The following ALOX12 variants were observed in gnomAD, a reference collection of about 807,000 sequenced individuals.
ALOX12 encodes the protein arachidonate 12-lipoxygenase, 12S type.
In ALOX12, 62 loss-of-function variants were observed where a neutral mutation model predicts 85.5. The observed-to-expected ratio is 0.73, with a 90% CI of 0.59 to 0.90. ALOX12 has a LOEUF of 0.90. Among genes scored for constraint, ALOX12 ranks in the 40% least tolerant of loss-of-function variants. ALOX12 has a pLI of 0.00. For missense variants in ALOX12, 751 were observed against 856.5 expected (o/e 0.88, Z 1.54); for synonymous variants, 299 against 332.7 (o/e 0.90, Z 1.10).
At chr17:7,006,993 C>T (rs1254922056) in intron 11 of ALOX12, among the ~76,000 whole-genome samples, 2 of 152,090 alleles carry the variant, frequency 1.3e-5, no homozygotes, top group African/African-American at 2.4e-5. Context: ...ATTTTCCCTC[C>T]GAAGCCCACA....
At position 7,006,693 on chromosome 17, in the gene ALOX12, CCA is replaced by C. The variant is rs1305370464; in HGVS notation, c.1540+87_1540+88del. ...GCCCTGCCCTTCTGGGGACAGGACC[CCA>C]GCCTCTCATCACGCCTCCCTTCCTC... On this transcript the variant is annotated intron_variant, in intron 11 of 13. Transcript: ENST00000251535. 21 of 1,487,392 alleles carry C rather than the reference CCA, an allele frequency of 1.4e-5. No homozygotes were observed. In the African/African-American group the frequency reaches 2.8e-4, roughly 20 times the overall value. 92.1% of individuals were successfully genotyped at this position (1,487,392 alleles called of 1,614,324 possible). A position where few individuals can be genotyped will look rare whatever the true frequency, so the allele number is the denominator to read the frequency against.
In ALOX12 at chr17:7,001,809, A is replaced by C; in HGVS notation, c.1159A>C (p.Lys387Gln). ...CCTCCCAGGACTGCACCCCATCTTC[A>C]AGGTACTTATTAATCTATTAAATCA... ...RCLPGLHPIF[K>Q]FLIPHIRYTM... Residue 387 changes from lysine to glutamine, a missense_variant and splice_region_variant, in exon 8 of 14, where the codon AAG becomes CAG. By Grantham distance (53) the Lys-to-Gln change is moderately conservative. Coordinates refer to ENST00000251535, the MANE Select transcript of ALOX12 (RefSeq NM_000697.3). 6.2e-7 allele frequency: 1 copy of C among 1,613,412 alleles called. No individual in the cohort carries two copies. Among genetic ancestry groups the C allele is most frequent in the Non-Finnish European group, 8.5e-7 (1 of 1,179,410 alleles).
At chr17:7,004,723 C>G (rs1265707451) in intron 8 of ALOX12, among the ~76,000 whole-genome samples, 1 of 151,958 alleles carries the variant, frequency 6.6e-6, no homozygotes, top group Admixed American at 6.6e-5. Flanking sequence ...AAAGAAACCC[C>G]CAACTGTGAA....
At chr17:7,002,538 A>T (rs919872974) in intron 8 of ALOX12, 4 of 468,772 alleles carry the variant, frequency 8.5e-6, no homozygotes, top group African/African-American at 6.0e-5. Context: ...CTGTAATCCC[A>T]GTGCTTTGGG....
chr17:7,006,258 T>C (rs979040861), intron 10 of ALOX12, among the ~76,000 whole-genome samples: 1 of 151,764 alleles, frequency 6.6e-6, no homozygotes, highest in Non-Finnish European at 1.5e-5. Flanking sequence ...GGGAGGTGTC[T>C]GGAAAAATCA....
At position 7,010,549 on chromosome 17, in the gene ALOX12, T is replaced by G; in HGVS notation, c.*126T>G. On this transcript the variant is annotated 3_prime_UTR_variant, in exon 14 of 14. Transcript: ENST00000251535. ...TATTTCCTCCCCCAGTTAAACCCCCTACATTAGTATCCCACTAGCCCAGGG... is the reference window on the plus strand; with the variant it reads ...TATTTCCTCCCCCAGTTAAACCCCCGACATTAGTATCCCACTAGCCCAGGG... 1.7e-6 allele frequency: 2 copies of G among 1,176,246 alleles called. No homozygotes were observed. The highest frequency in any genetic ancestry group is 2.6e-5 in the East Asian group (1 of 38,836). The allele number at this position is 1,176,246 out of a possible 1,614,324, so 72.9% of individuals were successfully genotyped here.
rs368850894 is a variant in ALOX12, at chr17:7,009,744, C to A, written c.1541-3C>A. The stretch of plus-strand genomic sequence containing the variant: ...TTCTAACTGCTATTCCTTTCCTGCC[C>A]AGGTTTCCCTGTCTCCTTCCAGTCC... On this transcript the variant is annotated splice_polypyrimidine_tract_variant and splice_region_variant and intron_variant, in intron 11 of 13. Coordinates refer to ENST00000251535, the MANE Select transcript of ALOX12 (RefSeq NM_000697.3). 6.2e-7 allele frequency: 1 copy of A among 1,613,460 alleles called. No individual in the cohort carries two copies. The highest frequency in any genetic ancestry group is 1.3e-5 in the African/African-American group (1 of 74,912).
intron 9 of ALOX12, among the ~76,000 whole-genome samples, chr17:7,005,635 C>T (rs886935442): frequency 2.0e-5 from 3 of 151,900 alleles, no homozygotes; most frequent in Non-Finnish European, 2.9e-5. Flanking sequence ...CGCCCGCCAC[C>T]ATGCCCAGCT....
chr17:6,998,347 A>G (rs909736930), intron 2 of ALOX12, among the ~76,000 whole-genome samples, 162 bp from the exon 3 acceptor site: 1 of 152,192 alleles, frequency 6.6e-6, no homozygotes, highest in African/African-American at 2.4e-5. Context: ...CAAAGATGGG[A>G]TAAACGTGTC....
chr17:7,008,906 T>C (rs1909231916), intron 11 of ALOX12, among the ~76,000 whole-genome samples: 4 of 152,226 alleles, frequency 2.6e-5, no homozygotes, highest in South Asian at 4.1e-4. Context: ...TGTCTGGGAA[T>C]AGGATTACGC....
In ALOX12 at chr17:6,999,319, G is replaced by A. The variant is rs893431768; in HGVS notation, c.660G>A (p.Gln220=). Residue 220 remains glutamine, a synonymous_variant, in exon 6 of 14, where the codon CAG becomes CAA. Coordinates refer to ENST00000251535, the MANE Select transcript of ALOX12 (RefSeq NM_000697.3). ...CGCCCACCAAAGAGAAGGTTCGCCA[G>A]TGCTGGCAGGATGATGAGTTGTTCA... ...QKSALAEKVR[Q]CWQDDELFSY... is the part of the protein sequence containing the mutation. 1.9e-6 allele frequency: 3 copies of A among 1,614,248 alleles called. No individual in the cohort carries two copies.
At position 7,001,654 on chromosome 17, in the gene ALOX12, A is replaced by ACC; in HGVS notation, c.1009_1010dup (p.Leu338HisfsTer26). 1 of 1,613,914 alleles carries ACC rather than the reference A, an allele frequency of 6.2e-7. No individual in the cohort carries two copies. The highest frequency in any genetic ancestry group is 8.5e-7 in the Non-Finnish European group (1 of 1,179,986). On this transcript the variant is annotated frameshift_variant, in exon 8 of 14. Coordinates refer to ENST00000251535, the MANE Select transcript of ALOX12 (RefSeq NM_000697.3). LOFTEE classifies it high-confidence loss of function. The stretch of plus-strand genomic sequence containing the variant: ...ACCCCAACACTGTTCCTGCCCTCAG[A>ACC]CCCCCCACTTGCCTGGCTCCTGGCA...
intron 8 of ALOX12, chr17:7,002,612 T>C (rs1908762319): frequency 4.8e-6 from 2 of 417,482 alleles, no homozygotes; most frequent in South Asian, 1.7e-5. Context: ...ACACAGCAAG[T>C]CCCGGTCTCT....
At chr17:7,006,718 C>T in intron 11 of ALOX12, 111 bp downstream of exon 11, 1 of 1,393,522 alleles carries the variant, frequency 7.2e-7, no homozygotes, top group South Asian at 1.4e-5. Flanking sequence ...GCCTCCCTTC[C>T]TCCCTCCACA....
chr17:7,005,978 G>A lies in ALOX12; in HGVS notation c.1369G>A (p.Gly457Ser). ...TGACCGGGGCCTGCTGGGACTCCCA[G>A]GTGCTCTCTATGCCCATGATGCTTT... Reference protein sequence around the residue: ...LADRGLLGLPGALYAHDALRL... With the variant: ...LADRGLLGLPSALYAHDALRL... The change falls in exon 10 of 14, where the codon GGT (glycine) becomes AGT (serine). Residue 457 changes from glycine (G) to serine (S), a missense_variant. Transcript: ENST00000251535. 1 of 1,608,196 alleles carries A rather than the reference G, an allele frequency of 6.2e-7. No individual in the cohort carries two copies. Among genetic ancestry groups the A allele is most frequent in the Non-Finnish European group, 8.5e-7 (1 of 1,178,092 alleles).
In ALOX12 at chr17:7,007,408, G is replaced by C. The variant is rs111396352; in HGVS notation, c.1540+801G>C. Reference sequence around the variant, plus strand: ...GCTGTGAATACCATCCTCTGCCTCTGTGAGACAACTACAGACATTTACTGG... The same window carrying C: ...GCTGTGAATACCATCCTCTGCCTCTCTGAGACAACTACAGACATTTACTGG... On this transcript the variant is annotated intron_variant, in intron 11 of 13. Transcript: ENST00000251535. Among the ~76,000 whole-genome samples the C allele has an allele frequency of 9.9e-4, 151 of 152,280 alleles. 1 individual carries two copies. Among genetic ancestry groups the C allele is most frequent in the African/African-American group, 3.5e-3 (144 of 41,560 alleles).
In ALOX12 at chr17:6,999,491, A is replaced by T. The variant is rs11571333; in HGVS notation, c.807+25A>T. 0.056 allele frequency: 90,933 copies of T among 1,610,678 alleles called. 3,020 individuals carry two copies. Among genetic ancestry groups the T allele is most frequent in the Non-Finnish European group, 0.062 (73,310 of 1,177,146 alleles). On this transcript the variant is annotated intron_variant, in intron 6 of 13. Transcript: ENST00000251535. ...GGTACCTCTCCTTCCCCTGCCTGGC[A>T]CTGTTCTCTCCTTAGTAGTGTGGTG...
rs958848255 is a variant in ALOX12 at position 7,006,498 on chromosome 17, G to A, written c.1431G>A (p.Gly477=). The A allele has an allele frequency of 6.2e-7, 1 of 1,613,616 alleles. No homozygotes were observed. The highest frequency in any genetic ancestry group is 1.3e-5 in the African/African-American group (1 of 74,908). The change falls in exon 11 of 14, where the codon GGG becomes GGA. Residue 477 remains glycine, a synonymous_variant. Coordinates refer to ENST00000251535, the MANE Select transcript of ALOX12 (RefSeq NM_000697.3). ...TCCCCCTGGGCAGGTATGTGGAGGGGATCGTCCACCTCTTCTACCAAAGGG... is the reference window on the plus strand; with the variant it reads ...TCCCCCTGGGCAGGTATGTGGAGGGAATCGTCCACCTCTTCTACCAAAGGG... ...LWEIIARYVE[G]IVHLFYQRDD... is the part of the protein sequence containing the mutation.
chr17:7,008,119 C>T (rs1287714429), intron 11 of ALOX12, among the ~76,000 whole-genome samples: 9 of 152,218 alleles, frequency 5.9e-5, no homozygotes, highest in African/African-American at 1.2e-4. Context: ...TGCACCCTCA[C>T]ACCCTAATTA....
Sources: gnomAD v4.1 joint callset for allele counts (sites outside exome capture counted in the v4.1 genomes callset) on GRCh38, gnomAD v4.1.1 for gene constraint, MANE v1.5 for transcripts, NCBI Gene and HGNC (gene_info 2026-07-23, HGNC 2026-07-21) for gene names.